Variants in FIGN observed in about 807,000 individuals in gnomAD.
The protein encoded by FIGN is fidgetin, microtubule severing factor.
FIGN carries 11 observed loss-of-function variants against 51.3 expected under a neutral mutation model. The ratio of observed to expected loss-of-function variants is 0.21; its 90% CI spans 0.13 to 0.35. The LOEUF (loss-of-function observed/expected upper bound fraction) is 0.35, where lower values mean the gene tolerates loss of function less well. Among genes scored for constraint, FIGN ranks in the 10% least tolerant of loss-of-function variants. The pLI is 1.00. For missense variants in FIGN, 857 were observed against 943.6 expected, an observed-to-expected ratio of 0.91 and a Z score of 1.20; for synonymous variants, 407 against 363.2, an observed-to-expected ratio of 1.12 and a Z score of -1.37.
At chr2:163,612,301 C>T in intron 2 of FIGN, 1 of 985,238 alleles carries the variant, frequency 1.0e-6, no homozygotes, top group Non-Finnish European at 1.2e-6. Context: ...AAAAATGAGA[C>T]ACAGCTGACA....
At chr2:163,704,747 C>G (rs1427945965) in intron 2 of FIGN, among the ~76,000 whole-genome samples, 2 of 150,720 alleles carry the variant, frequency 1.3e-5, no homozygotes, top group African/African-American at 4.9e-5. Context: ...TAAGAAGTTC[C>G]TAAGACAACT....
intron 2 of FIGN, among the ~76,000 whole-genome samples, chr2:163,714,984 C>T (rs2389944): frequency 1 from 152,057 of 152,386 alleles, 75,873 homozygotes; most frequent in Middle Eastern, 1. Flanking sequence ...TCACATAATG[C>T]GAATGTCCAT....
chr2:163,659,498 C>T (rs1011461494), intron 2 of FIGN, among the ~76,000 whole-genome samples: 3 of 152,078 alleles, frequency 2.0e-5, no homozygotes, highest in Non-Finnish European at 2.9e-5. Flanking sequence ...ATAGAGCCCT[C>T]GAAGGGCTTG....
At position 163,611,069 on chromosome 2, in the gene FIGN, G is replaced by C. The variant is rs768254432; in HGVS notation, c.763C>G (p.Gln255Glu). The change falls in exon 3 of 3, where the codon CAG becomes GAG. Residue 255 changes from glutamine (Q) to glutamate (E), a missense_variant. By Grantham distance (29) the Gln-to-Glu change is conservative. This residue lies in a region of FIGN where 799 missense variants were observed against 849.5 expected (regional missense o/e 0.94). Coordinates refer to ENST00000333129, the MANE Select transcript of FIGN (RefSeq NM_018086.4). ...YSYPSASYPP[Q>E]TAVGSGYSPG... ...CTGTACCCAGACCCCACAGCAGTCT[G>C]AGGAGGATAGCTAGCAGACGGATAG... The C allele has an allele frequency of 1.9e-6, 3 of 1,614,066 alleles. No individual in the cohort carries two copies. The highest frequency in any genetic ancestry group is 2.5e-6 in the Non-Finnish European group (3 of 1,180,022).
Position 163,611,367 on chromosome 2 carries a change from G to C in FIGN, c.465C>G (p.Ala155=). The C allele has an allele frequency of 6.2e-7, 1 of 1,614,116 alleles. No homozygotes were observed. Residue 155 remains alanine (A), a synonymous_variant, in exon 3 of 3, where the codon GCC becomes GCG. Transcript: ENST00000333129. ...SASIGSSPGV[A]SNLTEPSYSS... ...AATAACTAGGTTCTGTCAGGTTGCT[G>C]GCTACCCCAGGAGAGCTTCCTATAC...
intron 2 of FIGN, among the ~76,000 whole-genome samples, chr2:163,642,077 T>C (rs1009222269): frequency 2.6e-5 from 4 of 152,230 alleles, no homozygotes; most frequent in African/African-American, 9.6e-5. Flanking sequence ...TTATGTGAAA[T>C]ATTCCTTTTC....
intron 2 of FIGN, among the ~76,000 whole-genome samples, chr2:163,696,503 G>A (rs146501428): frequency 5.2e-4 from 79 of 152,170 alleles, no homozygotes; most frequent in African/African-American, 1.8e-3. Context: ...GGAGTTATTT[G>A]CCTCCTCTTT....
chr2:163,701,896 G>A lies in FIGN; in HGVS notation c.25+33007C>T. Among the ~76,000 whole-genome samples the A allele has an allele frequency of 1.3e-5, 2 of 152,110 alleles. 1 individual carries two copies. Among genetic ancestry groups the A allele is most frequent in the East Asian group, 3.9e-4 (2 of 5,188 alleles). On this transcript the variant is annotated intron_variant, in intron 2 of 2. Transcript: ENST00000333129. ...AAAGAGCTAGCACCTTCTGGTGTAA[G>A]TACTATCAATATAAGTAGAAAAACT...
chr2:163,728,846 A>G (rs942845432), intron 2 of FIGN, among the ~76,000 whole-genome samples: 10 of 152,200 alleles, frequency 6.6e-5, no homozygotes, highest in Admixed American at 1.3e-4. Context: ...ATTTTTGAAC[A>G]AGATGCCTCA....
chr2:163,694,384 T>G (rs1459248459), intron 2 of FIGN, among the ~76,000 whole-genome samples: 1 of 152,194 alleles, frequency 6.6e-6, no homozygotes, highest in East Asian at 1.9e-4. Context: ...CTATTAGCAT[T>G]CTAGGGGCTC....
In FIGN at chr2:163,719,262, T is replaced by A. The variant is rs570384624; in HGVS notation, c.25+15641A>T. ...ATAAAAAGATTTAGGATGATGTGAT[T>A]GAATTGATTTATTTACATCTACATT... On this transcript the variant is annotated intron_variant, in intron 2 of 2. Transcript: ENST00000333129. Among the ~76,000 whole-genome samples the A allele has an allele frequency of 1.6e-3, 247 of 152,296 alleles. 1 individual carries two copies. Among genetic ancestry groups the A allele is most frequent in the Non-Finnish European group, 3.1e-3 (208 of 68,020 alleles).
chr2:163,610,803 A>C lies in FIGN; in HGVS notation c.1029T>G (p.Ser343=), dbSNP rs1353271810. The part of the protein sequence containing the change: ...YGNYSYGQQR[S]TQSPMYRMPD... Reference sequence around the variant, plus strand: ...GCATTCTGTACATAGGACTCTGTGTAGATCTCTGTTGGCCATAGCTGTAAT... The same window carrying C: ...GCATTCTGTACATAGGACTCTGTGTCGATCTCTGTTGGCCATAGCTGTAAT... The change falls in exon 3 of 3, where the codon TCT becomes TCG. Residue 343 remains serine (S), a synonymous_variant. Transcript: ENST00000333129. 1 of 1,614,132 alleles carries C rather than the reference A, an allele frequency of 6.2e-7. No individual in the cohort carries two copies. Among genetic ancestry groups the C allele is most frequent in the Admixed American group, 1.7e-5 (1 of 60,018 alleles).
chr2:163,721,265 T>C (rs1370936643), intron 2 of FIGN, among the ~76,000 whole-genome samples: 1 of 152,210 alleles, frequency 6.6e-6, no homozygotes, highest in East Asian at 1.9e-4. Flanking sequence ...CTTTTAAATA[T>C]TCCCTGGATT....
intron 2 of FIGN, among the ~76,000 whole-genome samples, chr2:163,694,812 T>C (rs1465546654): frequency 1.3e-5 from 2 of 152,184 alleles, no homozygotes; most frequent in African/African-American, 4.8e-5. Flanking sequence ...ACAGTCCTTC[T>C]TTTCCTTTCT....
intron 2 of FIGN, among the ~76,000 whole-genome samples, chr2:163,637,693 T>A (rs1486688321): frequency 2.0e-5 from 3 of 152,076 alleles, no homozygotes; most frequent in Non-Finnish European, 4.4e-5. Flanking sequence ...TATTAGAATG[T>A]GAAGCACAAT....
chr2:163,728,425 C>T (rs1158015278), intron 2 of FIGN, among the ~76,000 whole-genome samples: 2 of 151,786 alleles, frequency 1.3e-5, no homozygotes, highest in African/African-American at 4.8e-5. Context: ...CACACACACA[C>T]ACACACACAC....
At chr2:163,722,061 C>G (rs1176924909) in intron 2 of FIGN, among the ~76,000 whole-genome samples, 1 of 152,002 alleles carries the variant, frequency 6.6e-6, no homozygotes. Flanking sequence ...AGTAGCTGAC[C>G]CTTCCACGAG....
At chr2:163,651,836 T>C (rs553136854) in intron 2 of FIGN, among the ~76,000 whole-genome samples, 1 of 152,304 alleles carries the variant, frequency 6.6e-6, no homozygotes, top group South Asian at 2.1e-4. Flanking sequence ...CATGTTATTG[T>C]TAGCACCAAA....
At chr2:163,700,087 AACAGATTCTAAAAT>A (rs1684385129) in intron 2 of FIGN, among the ~76,000 whole-genome samples, 1 of 152,262 alleles carries the variant, frequency 6.6e-6, no homozygotes, top group East Asian at 1.9e-4. Context: ...CCCCTCCTGA[AACAGATTCTAAAAT>A]ACAGAAAAGC....
Sources: gnomAD v4.1 joint callset for allele counts (sites outside exome capture counted in the v4.1 genomes callset) on GRCh38, gnomAD v4.1.1 for gene constraint, gnomAD v4.1.1 regional missense constraint, MANE v1.5 for transcripts, NCBI Gene and HGNC (gene_info 2026-07-23, HGNC 2026-07-21) for gene names.